ERCC6: variants seen among roughly 807,000 people sequenced by gnomAD.
ERCC6 encodes the protein ERCC excision repair 6, chromatin remodeling factor.
A neutral mutation model predicts 158.7 loss-of-function variants in ERCC6; 116 were observed. That is an observed-to-expected ratio of 0.73 (90% CI 0.63 to 0.85). The LOEUF is 0.85. Ranked by LOEUF, ERCC6 falls within the 40% of genes least tolerant of loss-of-function variation. The pLI is 0.00. For missense variants in ERCC6, 1,698 were observed against 1,799.4 expected, an observed-to-expected ratio of 0.94 and a Z score of 1.02; for synonymous variants, 678 against 659.3, an observed-to-expected ratio of 1.03 and a Z score of -0.43.
In ERCC6 at chr10:49,530,705, G is replaced by A. The variant is rs747871555; in HGVS notation, c.543+15C>T. ...CTTTTTCAAAAATGCAATACTGAAT[G>A]TTATTCTGAATCACCTTATTATACT... On this transcript the variant is annotated intron_variant, in intron 3 of 20. Coordinates refer to ENST00000355832, the MANE Select transcript of ERCC6 (RefSeq NM_000124.4). 1 of 1,611,950 alleles carries A rather than the reference G, an allele frequency of 6.2e-7. No individual in the cohort carries two copies. Among genetic ancestry groups the A allele is most frequent in the Non-Finnish European group, 8.5e-7 (1 of 1,179,264 alleles).
At chr10:49,487,210 T>C (rs1472069776) in intron 8 of ERCC6, among the ~76,000 whole-genome samples, 1 of 152,246 alleles carries the variant, frequency 6.6e-6, no homozygotes, top group Non-Finnish European at 1.5e-5. Flanking sequence ...TGTCTTCTCA[T>C]ATGTTGTAAT....
intron 7 of ERCC6, among the ~76,000 whole-genome samples, chr10:49,495,897 T>C (rs1851258930): frequency 6.6e-6 from 1 of 152,198 alleles, no homozygotes; most frequent in African/African-American, 2.4e-5. Context: ...ACAGTAAAAT[T>C]TGAATTCCTC....
At position 49,483,247 on chromosome 10, in the gene ERCC6, A is replaced by T. The variant is rs4253163; in HGVS notation, c.1992+99T>A. On this transcript the variant is annotated intron_variant, in intron 9 of 20. Coordinates refer to ENST00000355832, the MANE Select transcript of ERCC6 (RefSeq NM_000124.4). ...TTAAATTTCTTGTGCAGTTGGCACAAGGAAAGATTCAATAAATGTGTTACT... is the reference window on the plus strand; with the variant it reads ...TTAAATTTCTTGTGCAGTTGGCACATGGAAAGATTCAATAAATGTGTTACT... 1,330 of 1,281,018 alleles carry T rather than the reference A, an allele frequency of 1.0e-3. 8 individuals carry two copies. In the African/African-American group the frequency reaches 0.015, roughly 15 times the overall value. The allele number at this position is 1,281,018 out of a possible 1,614,324, so 79.4% of individuals were successfully genotyped here.
At chr10:49,459,318 C>T in intron 20 of ERCC6, 84 bp from the exon 21 acceptor site, 1 of 1,434,740 alleles carries the variant, frequency 7.0e-7, no homozygotes, top group East Asian at 2.3e-5. Context: ...TGAAGGGTCA[C>T]AAGACAACAC....
chr10:49,466,134 A>G (rs1850670535), intron 18 of ERCC6, among the ~76,000 whole-genome samples: 1 of 152,240 alleles, frequency 6.6e-6, no homozygotes, highest in African/African-American at 2.4e-5. Context: ...GCACACACTG[A>G]AAATATGATG....
At position 49,470,878 on chromosome 10, in the gene ERCC6, C is replaced by A; in HGVS notation, c.3082G>T (p.Asp1028Tyr). ...TSAIFAGTGS[D>Y]VQTPKCHLKR... ...AGATGGCATTTGGGTGTCTGAACAT[C>A]TGATCCAGTTCCTGTAAAGAGGAAA... The change falls in exon 18 of 21, where the codon GAT (aspartate) becomes TAT (tyrosine). Residue 1028 changes from aspartate (D) to tyrosine (Y), a missense_variant. Physicochemically the swap from Asp to Tyr is radical, Grantham distance 160 (BLOSUM62 -3). Coordinates refer to ENST00000355832, the MANE Select transcript of ERCC6 (RefSeq NM_000124.4). The A allele has an allele frequency of 6.2e-7, 1 of 1,613,846 alleles. No homozygotes were observed. Among genetic ancestry groups the A allele is most frequent in the South Asian group, 1.1e-5 (1 of 91,076 alleles).
intron 8 of ERCC6, among the ~76,000 whole-genome samples, chr10:49,485,273 C>T (rs971768393): frequency 2.6e-5 from 4 of 152,192 alleles, no homozygotes; most frequent in Non-Finnish European, 5.9e-5. Flanking sequence ...CCAGGTCACG[C>T]AGCTGCTAAG....
intron 1 of ERCC6, among the ~76,000 whole-genome samples, chr10:49,536,619 C>A (rs1837605271): frequency 6.6e-6 from 1 of 152,160 alleles, no homozygotes; most frequent in South Asian, 2.1e-4. Context: ...GAATAAATGT[C>A]CTGTACAAGA....
intron 8 of ERCC6, among the ~76,000 whole-genome samples, chr10:49,492,142 G>T (rs4253142): frequency 0.012 from 1,784 of 152,234 alleles, 36 homozygotes; most frequent in African/African-American, 0.041. Flanking sequence ...CCAAACCATA[G>T]ATTTTTCTGA....
At chr10:49,497,961 C>T (rs1471699904) in intron 7 of ERCC6, among the ~76,000 whole-genome samples, 1 of 152,036 alleles carries the variant, frequency 6.6e-6, no homozygotes, top group East Asian at 1.9e-4. Flanking sequence ...AAATGATATC[C>T]AAGACTTTAA....
intron 7 of ERCC6, 34 bp downstream of exon 7, chr10:49,500,503 CT>C: frequency 6.2e-7 from 1 of 1,608,348 alleles, no homozygotes; most frequent in Non-Finnish European, 8.5e-7. Flanking sequence ...ATTAATTGAG[CT>C]CCACAGACTG....
At chr10:49,440,718 T>G in the ERCC6 span, among the ~76,000 whole-genome samples, 1 of 152,152 alleles carries the variant, frequency 6.6e-6, no homozygotes, top group Non-Finnish European at 1.5e-5. Flanking sequence ...AAGGGAGGTT[T>G]CAAAAAGAAG....
intron 5 of ERCC6, among the ~76,000 whole-genome samples, chr10:49,509,785 G>A (rs1287983649): frequency 6.6e-6 from 1 of 151,996 alleles, no homozygotes; most frequent in African/African-American, 2.4e-5. Flanking sequence ...AGCAGAAGGG[G>A]GCAGTAAATA....
chr10:49,513,538 A>G (rs970024911), intron 5 of ERCC6, among the ~76,000 whole-genome samples: 4 of 152,174 alleles, frequency 2.6e-5, no homozygotes, highest in African/African-American at 7.2e-5. Flanking sequence ...ATAAGGAAAG[A>G]GGTTTAATTG....
rs370880233 is a variant in ERCC6, at chr10:49,492,295, C to T, written c.1821+822G>A. The stretch of plus-strand genomic sequence containing the variant: ...GCACTGCTTTCCTGGGCCCCGAGAA[C>T]GAACTCAAGAGCTCAGAAGACTCAG... On this transcript the variant is annotated intron_variant, in intron 8 of 20. Coordinates refer to ENST00000355832, the MANE Select transcript of ERCC6 (RefSeq NM_000124.4). 1.4e-4 allele frequency among the ~76,000 whole-genome samples: 21 copies of T among 152,224 alleles called. No individual in the cohort carries two copies. In the South Asian group the frequency reaches 3.7e-3, roughly 27 times the overall value.
the ERCC6 span, among the ~76,000 whole-genome samples, chr10:49,436,251 A>G: frequency 2.8e-3 from 434 of 152,306 alleles, 1 homozygote; most frequent in Non-Finnish European, 4.6e-3. Flanking sequence ...ACTAGGAAAT[A>G]TAAGTAAAAG....
At chr10:49,512,779 T>C (rs1432819713) in intron 5 of ERCC6, among the ~76,000 whole-genome samples, 1 of 152,262 alleles carries the variant, frequency 6.6e-6, no homozygotes, top group Admixed American at 6.5e-5. Context: ...TTTTATACAA[T>C]ATTTTGTGCA....
chr10:49,439,986 T>C, the ERCC6 span, among the ~76,000 whole-genome samples: 1 of 152,192 alleles, frequency 6.6e-6, no homozygotes, highest in Non-Finnish European at 1.5e-5. Context: ...GTCAAACCCA[T>C]TCAACAAGTC....
At chr10:49,494,184 A>G (rs1194393484) in intron 7 of ERCC6, among the ~76,000 whole-genome samples, 1 of 152,178 alleles carries the variant, frequency 6.6e-6, no homozygotes, top group African/African-American at 2.4e-5. Context: ...CTCTGCACAC[A>G]TTGTATGATC....
Sources: allele counts gnomAD v4.1 joint callset (sites outside exome capture counted in the v4.1 genomes callset), GRCh38; gene constraint gnomAD v4.1.1; transcripts MANE v1.5; gene names NCBI Gene and HGNC (gene_info 2026-07-23, HGNC 2026-07-21).